The following CHSY3 variants were observed in gnomAD, a reference collection of about 807,000 sequenced individuals.
The protein encoded by CHSY3 is chondroitin sulfate synthase 3, also known as N-acetylgalactosaminyl-proteoglycan 3-beta-glucuronosyltransferase 3.
CHSY3 carries 35 observed loss-of-function variants against 67.2 expected under a neutral mutation model. That is an observed-to-expected ratio of 0.52 (90% CI 0.40 to 0.69). CHSY3 has a LOEUF of 0.69. Among genes scored for constraint, CHSY3 ranks in the 30% least tolerant of loss-of-function variants. CHSY3 has a pLI of 0.00. For missense variants in CHSY3, 1,069 were observed against 1,138.5 expected (o/e 0.94, Z 0.88); for synonymous variants, 474 against 434.7 (o/e 1.09, Z -1.12).
rs2436347 is a variant in CHSY3, at chr5:129,904,772, G to A, written c.-58G>A. On this transcript the variant is annotated 5_prime_UTR_variant, in exon 1 of 3. Coordinates refer to ENST00000305031, the MANE Select transcript of CHSY3 (RefSeq NM_175856.5). ...CGGAGGAGGGGCGGGTGTGAGCCGG[G>A]GAAACCGCGTGCCGCGCCGCGACAG... 216 of 1,307,208 alleles carry A rather than the reference G, an allele frequency of 1.7e-4. No homozygotes were observed. The highest frequency in any genetic ancestry group is 2.0e-4 in the Non-Finnish European group (201 of 1,028,992). The allele number at this position is 1,307,208 out of a possible 1,614,324, so 81.0% of individuals were successfully genotyped here. A position where few individuals can be genotyped will look rare whatever the true frequency, so the allele number is the denominator to read the frequency against.
intron 2 of CHSY3, among the ~76,000 whole-genome samples, chr5:130,123,930 G>A (rs1768152823): frequency 6.6e-6 from 1 of 151,006 alleles, no homozygotes; most frequent in African/African-American, 2.4e-5. Flanking sequence ...GTGGTGGCGG[G>A]GGCCTGTAGT....
chr5:130,087,942 G>C (rs1231436115), intron 2 of CHSY3, among the ~76,000 whole-genome samples: 1 of 152,066 alleles, frequency 6.6e-6, no homozygotes, highest in East Asian at 1.9e-4. Flanking sequence ...AAAGCTGGAG[G>C]CATCACACTA....
chr5:130,134,302 G>A (rs1020230992), intron 2 of CHSY3, among the ~76,000 whole-genome samples: 13 of 152,192 alleles, frequency 8.5e-5, no homozygotes, highest in Admixed American at 5.9e-4. Context: ...CCATTTGAAA[G>A]GTCATACATT....
rs1770054844 is a variant in CHSY3, at chr5:130,176,471, GACCCAGCAATCCCATTACTGGGTATAT to G, written c.1087-7752_1087-7726del. On this transcript the variant is annotated intron_variant, in intron 2 of 2. Transcript: ENST00000305031. ...ATTCCTCAAGGTTCTAGAACCATTTGACCCAGCAATCCCATTACTGGGTATATACCCAAAGGATTTTAAATCATTCTA... is the reference window on the plus strand; with the variant it reads ...ATTCCTCAAGGTTCTAGAACCATTTGACCCAAAGGATTTTAAATCATTCTA... Among the ~76,000 whole-genome samples, 6 of 151,896 alleles carry G rather than the reference GACCCAGCAATCCCATTACTGGGTATAT, an allele frequency of 4.0e-5. No homozygotes were observed. The South Asian group carries it at 1.2e-3, about 32-fold the overall frequency.
chr5:129,960,997 G>A (rs1762313530), intron 2 of CHSY3, among the ~76,000 whole-genome samples: 2 of 152,088 alleles, frequency 1.3e-5, no homozygotes. Flanking sequence ...AGTATGTTCT[G>A]AGTTGAAATT....
chr5:130,041,095 C>T (rs1011204115), intron 2 of CHSY3, among the ~76,000 whole-genome samples: 1 of 152,078 alleles, frequency 6.6e-6, no homozygotes, highest in Non-Finnish European at 1.5e-5. Context: ...TGGCTGCTAA[C>T]AGCTTGGAGC....
At chr5:130,162,601 C>G (rs1769590146) in intron 2 of CHSY3, among the ~76,000 whole-genome samples, 1 of 152,060 alleles carries the variant, frequency 6.6e-6, no homozygotes, top group South Asian at 2.1e-4. Context: ...GTGGGATGAT[C>G]ATGGCTCACT....
At chr5:130,144,592 C>G (rs919488284) in intron 2 of CHSY3, among the ~76,000 whole-genome samples, 1 of 151,950 alleles carries the variant, frequency 6.6e-6, no homozygotes, top group Non-Finnish European at 1.5e-5. Context: ...AAGGAAAGTA[C>G]AGATTCAATA....
At chr5:130,171,458 T>G (rs1769892018) in intron 2 of CHSY3, among the ~76,000 whole-genome samples, 1 of 152,208 alleles carries the variant, frequency 6.6e-6, no homozygotes, top group South Asian at 2.1e-4. Context: ...TTCTTTAAGA[T>G]TTTTAATCTC....
chr5:130,141,592 T>C, intron 2 of CHSY3: 2 of 494,484 alleles, frequency 4.0e-6, no homozygotes, highest in South Asian at 3.1e-5. Flanking sequence ...AGCTGAGAAA[T>C]ACAGAGCTGA....
chr5:130,113,616 C>T (rs1767667001), intron 2 of CHSY3, among the ~76,000 whole-genome samples: 2 of 152,126 alleles, frequency 1.3e-5, no homozygotes, highest in Admixed American at 1.3e-4. Flanking sequence ...ACTCCTATTG[C>T]ATGATTCCTT....
intron 2 of CHSY3, among the ~76,000 whole-genome samples, chr5:129,947,817 C>T (rs928829265): frequency 2.6e-5 from 4 of 152,090 alleles, no homozygotes; most frequent in African/African-American, 9.7e-5. Flanking sequence ...TTAACAAGTG[C>T]GAGGTGAAAT....
At position 129,933,279 on chromosome 5, in the gene CHSY3, G is replaced by A. The variant is rs555867564; in HGVS notation, c.1086+24919G>A. Among the ~76,000 whole-genome samples the A allele has an allele frequency of 2.1e-4, 32 of 152,132 alleles. No individual in the cohort carries two copies. In the South Asian group the frequency reaches 6.0e-3, roughly 29 times the overall value. On this transcript the variant is annotated intron_variant, in intron 2 of 2. Coordinates refer to ENST00000305031, the MANE Select transcript of CHSY3 (RefSeq NM_175856.5). ...CCATCCATTAAAAGTAAAATTCTGT[G>A]GAAAGGAGGGCCATTTCTGTCAGCT...
chr5:129,962,067 G>T (rs867530409), intron 2 of CHSY3, among the ~76,000 whole-genome samples: 1 of 151,984 alleles, frequency 6.6e-6, no homozygotes, highest in East Asian at 1.9e-4. Flanking sequence ...CTGCTTCTGG[G>T]TTTTGTTTCC....
chr5:130,018,282 A>C (rs1032974605), intron 2 of CHSY3, among the ~76,000 whole-genome samples: 20 of 152,142 alleles, frequency 1.3e-4, no homozygotes, highest in African/African-American at 4.3e-4. Flanking sequence ...TATCTTAGTG[A>C]AATATAGTAA....
intron 2 of CHSY3, among the ~76,000 whole-genome samples, chr5:130,026,980 C>A (rs768432855): frequency 7.2e-5 from 11 of 152,128 alleles, no homozygotes; most frequent in Non-Finnish European, 1.5e-4. Context: ...CTAGTGCTGT[C>A]TTTTCCTGTG....
At chr5:129,929,816 C>G (rs1028313877) in intron 2 of CHSY3, among the ~76,000 whole-genome samples, 6 of 151,942 alleles carry the variant, frequency 3.9e-5, no homozygotes, top group African/African-American at 1.5e-4. Context: ...GGGGTTATTA[C>G]CACCTTTATT....
intron 2 of CHSY3, among the ~76,000 whole-genome samples, chr5:129,974,043 ACT>A (rs757748350): frequency 4.6e-5 from 7 of 152,016 alleles, no homozygotes; most frequent in Non-Finnish European, 1.0e-4. Flanking sequence ...CCACCTCTGA[ACT>A]CTCTATAATT....
intron 2 of CHSY3, among the ~76,000 whole-genome samples, chr5:129,910,002 T>G (rs1424595417): frequency 6.6e-6 from 1 of 152,014 alleles, no homozygotes; most frequent in Non-Finnish European, 1.5e-5. Flanking sequence ...TGTGAAGGCC[T>G]AGTCTTCACC....
Sources: gnomAD v4.1 joint callset for allele counts (sites outside exome capture counted in the v4.1 genomes callset) on GRCh38, gnomAD v4.1.1 for gene constraint, MANE v1.5 for transcripts, NCBI Gene and HGNC (gene_info 2026-07-23, HGNC 2026-07-21) for gene names.